The following TTC29 variants were observed in gnomAD, a reference collection of about 807,000 sequenced individuals.
The protein encoded by TTC29 is tetratricopeptide repeat protein 29.
TTC29 carries 49 observed loss-of-function variants against 58.1 expected under a neutral mutation model. That is an observed-to-expected ratio of 0.84 (90% confidence interval 0.67 to 1.07). The LOEUF (loss-of-function observed/expected upper bound fraction) is 1.07. Among genes scored for constraint, TTC29 ranks in the 50% least tolerant of loss-of-function variants. The pLI is 0.00. For synonymous variants in TTC29, 209 were observed against 196.8 expected (o/e 1.06, Z -0.52); for missense variants, 582 against 555.6 (o/e 1.05, Z -0.48).
At chr4:146,783,159 A>G (rs1370291264) in intron 11 of TTC29, among the ~76,000 whole-genome samples, 5 of 152,078 alleles carry the variant, frequency 3.3e-5, no homozygotes, top group Non-Finnish European at 7.4e-5. Flanking sequence ...GTTTTGATAT[A>G]CGCATACATT....
intron 8 of TTC29, among the ~76,000 whole-genome samples, chr4:146,837,518 GT>G (rs1480969586): frequency 6.6e-6 from 1 of 152,030 alleles, no homozygotes; most frequent in Non-Finnish European, 1.5e-5. Flanking sequence ...AGATACAGAT[GT>G]TTTATACTGT....
chr4:146,776,944 C>T (rs1031366715), intron 11 of TTC29, among the ~76,000 whole-genome samples: 10 of 151,910 alleles, frequency 6.6e-5, no homozygotes, highest in Middle Eastern at 6.8e-3. Flanking sequence ...GTACTGGTGA[C>T]GGAATTGGAA....
chr4:146,823,373 T>A (rs1350939322), intron 9 of TTC29, among the ~76,000 whole-genome samples: 1 of 152,196 alleles, frequency 6.6e-6, no homozygotes, highest in African/African-American at 2.4e-5. Context: ...CCTTTCCCCA[T>A]TGATTGTTTT....
At chr4:146,911,801 A>G (rs1201789444) in intron 4 of TTC29, among the ~76,000 whole-genome samples, 1 of 152,190 alleles carries the variant, frequency 6.6e-6, no homozygotes, top group Non-Finnish European at 1.5e-5. Flanking sequence ...TGCAACCACT[A>G]GCGGATTTCC....
chr4:146,852,844 G>T (rs1203449702), intron 8 of TTC29, among the ~76,000 whole-genome samples: 1 of 151,914 alleles, frequency 6.6e-6, no homozygotes, highest in East Asian at 1.9e-4. Flanking sequence ...AATTACTCAG[G>T]ATTTCGGAAT....
chr4:146,794,998 AG>A (rs1167302615), intron 11 of TTC29, among the ~76,000 whole-genome samples: 9 of 152,270 alleles, frequency 5.9e-5, no homozygotes, highest in Admixed American at 5.9e-4. Flanking sequence ...ATAGCACTTA[AG>A]TGAACTAACT....
At chr4:146,839,449 C>T (rs1178364302) in intron 8 of TTC29, among the ~76,000 whole-genome samples, 1 of 151,658 alleles carries the variant, frequency 6.6e-6, no homozygotes, top group African/African-American at 2.4e-5. Context: ...CACGGGTAAC[C>T]CCCAAATATG....
chr4:146,796,336 A>G (rs1157953529), intron 11 of TTC29, among the ~76,000 whole-genome samples: 1 of 152,182 alleles, frequency 6.6e-6, no homozygotes, highest in Non-Finnish European at 1.5e-5. Context: ...GAAAGCTAGG[A>G]ATCATAGATT....
chr4:146,707,984 C>T (rs1742105597), intron 11 of TTC29, among the ~76,000 whole-genome samples: 1 of 151,886 alleles, frequency 6.6e-6, no homozygotes, highest in African/African-American at 2.4e-5. Flanking sequence ...CTGGAATGGC[C>T]ACGTATAGAT....
At chr4:146,886,952 G>T (rs1732025457) in intron 6 of TTC29, among the ~76,000 whole-genome samples, 1 of 152,124 alleles carries the variant, frequency 6.6e-6, no homozygotes, top group Non-Finnish European at 1.5e-5. Context: ...AATGAAATAA[G>T]CCAGTCACAG....
chr4:146,871,745 A>G (rs1730945107), intron 7 of TTC29, among the ~76,000 whole-genome samples: 1 of 151,976 alleles, frequency 6.6e-6, no homozygotes, highest in Non-Finnish European at 1.5e-5. Context: ...ATCATTGAAA[A>G]AAATTAAAGA....
At chr4:146,804,604 A>T (rs547719113) in intron 10 of TTC29, among the ~76,000 whole-genome samples, 18 of 152,238 alleles carry the variant, frequency 1.2e-4, no homozygotes, top group African/African-American at 4.3e-4. Flanking sequence ...CTCACAGTGT[A>T]AAGAAAGCCT....
chr4:146,918,990 A>C (rs891468130), intron 4 of TTC29, among the ~76,000 whole-genome samples: 3 of 151,164 alleles, frequency 2.0e-5, no homozygotes, highest in African/African-American at 4.8e-5. Flanking sequence ...GTAGTCTGGT[A>C]AAAAAGGATT....
At chr4:146,768,918 A>G (rs1747521627) in intron 11 of TTC29, among the ~76,000 whole-genome samples, 1 of 152,048 alleles carries the variant, frequency 6.6e-6, no homozygotes, top group Non-Finnish European at 1.5e-5. Flanking sequence ...GGGAAATTTA[A>G]TAGTATTTTC....
At chr4:146,829,262 G>A (rs565931499) in intron 9 of TTC29, among the ~76,000 whole-genome samples, 35 of 152,302 alleles carry the variant, frequency 2.3e-4, no homozygotes, top group South Asian at 8.3e-4. Context: ...TAACACCCAC[G>A]TCCCTTGACA....
intron 11 of TTC29, among the ~76,000 whole-genome samples, chr4:146,747,108 C>T (rs1258765289): frequency 6.6e-6 from 1 of 152,118 alleles, no homozygotes; most frequent in Non-Finnish European, 1.5e-5. Context: ...CTATCACCAC[C>T]GTGGACACTT....
At chr4:146,749,155 CAA>C (rs56106504) in intron 11 of TTC29, among the ~76,000 whole-genome samples, 14 of 116,706 alleles carry the variant, frequency 1.2e-4, no homozygotes, top group Admixed American at 1.7e-4. Flanking sequence ...CCATTTCTAC[CAA>C]AAAAAAAAAA....
At chr4:146,904,747 G>T (rs1210326751) in intron 5 of TTC29, among the ~76,000 whole-genome samples, 4 of 152,016 alleles carry the variant, frequency 2.6e-5, no homozygotes, top group African/African-American at 9.7e-5. Context: ...TACTACCAGA[G>T]GAGTCAACCC....
Position 146,707,134 on chromosome 4 carries a change from T to A in TTC29, c.*24A>T. The stretch of plus-strand genomic sequence containing the variant: ...GGTGACATGATGGATTTCTTCTTGC[T>A]TTGATGTTAAGTGAAAAGCTGCTTT... On this transcript the variant is annotated 3_prime_UTR_variant, in exon 13 of 13. Transcript: ENST00000325106. The A allele has an allele frequency of 6.6e-7, 1 of 1,515,668 alleles. No individual in the cohort carries two copies. The highest frequency in any genetic ancestry group is 1.3e-5 in the South Asian group (1 of 76,112). The allele number at this position is 1,515,668 out of a possible 1,614,324, so 93.9% of individuals were successfully genotyped here.
Sources: allele counts gnomAD v4.1 joint callset (sites outside exome capture counted in the v4.1 genomes callset), GRCh38; gene constraint gnomAD v4.1.1; transcripts MANE v1.5; gene names NCBI Gene and HGNC (gene_info 2026-07-23, HGNC 2026-07-21).